Variants in HMGCLL1 observed in about 807,000 individuals in gnomAD.
The protein encoded by HMGCLL1 is 3-hydroxymethyl-3-methylglutaryl-CoA lyase, cytoplasmic.
HMGCLL1 carries 36 observed loss-of-function variants against 39.1 expected under a neutral mutation model. The ratio of observed to expected loss-of-function variants is 0.92; its 90% CI spans 0.71 to 1.22. The LOEUF is 1.22. Among genes scored for constraint, HMGCLL1 ranks in the 50% most tolerant of loss-of-function variants. HMGCLL1 has a pLI of 0.00. For missense variants in HMGCLL1, 451 were observed against 416.5 expected (o/e 1.08, Z -0.72); for synonymous variants, 149 against 144.0 (o/e 1.03, Z -0.25).
intron 3 of HMGCLL1, among the ~76,000 whole-genome samples, chr6:55,528,556 G>A (rs1329403844): frequency 3.3e-5 from 5 of 151,792 alleles, no homozygotes; most frequent in Non-Finnish European, 5.9e-5. Context: ...GGAGATCTTG[G>A]TCTGCTTGAA....
At chr6:55,481,864 G>A (rs1765767482) in intron 7 of HMGCLL1, among the ~76,000 whole-genome samples, 1 of 151,986 alleles carries the variant, frequency 6.6e-6, no homozygotes, top group Admixed American at 6.6e-5. Flanking sequence ...GGGTAAAGCA[G>A]TATTAATATT....
intron 2 of HMGCLL1, 45 bp from the exon 3 acceptor site, chr6:55,541,881 A>G: frequency 8.8e-7 from 1 of 1,141,632 alleles, no homozygotes; most frequent in Non-Finnish European, 1.3e-6. Flanking sequence ...TATAGGTCCT[A>G]TTTAAGCACA....
At chr6:55,628,111 TAATATATAAAATA>T in the HMGCLL1 span, among the ~76,000 whole-genome samples, 1 of 894 alleles carries the variant, frequency 1.1e-3, no homozygotes, top group African/African-American at 5.0e-3. Flanking sequence ...ATACTATATA[TAATATATAAAATA>T]AATATATATA....
chr6:55,649,548 C>T, the HMGCLL1 span, among the ~76,000 whole-genome samples: 1 of 151,746 alleles, frequency 6.6e-6, no homozygotes, highest in South Asian at 2.1e-4. Context: ...TTATTAAATG[C>T]CTTGAGGTAG....
At chr6:55,549,310 C>T (rs571656072) in intron 1 of HMGCLL1, among the ~76,000 whole-genome samples, 3 of 151,680 alleles carry the variant, frequency 2.0e-5, no homozygotes, top group African/African-American at 4.9e-5. Context: ...TCCCACCTTG[C>T]TGTCAGTCCC....
the HMGCLL1 span, among the ~76,000 whole-genome samples, chr6:55,655,822 T>C: frequency 6.6e-6 from 1 of 152,038 alleles, no homozygotes; most frequent in Non-Finnish European, 1.5e-5. Flanking sequence ...TGTGAGAACA[T>C]TTGAAATTTT....
the HMGCLL1 span, among the ~76,000 whole-genome samples, chr6:55,645,113 T>C: frequency 6.6e-6 from 1 of 151,964 alleles, no homozygotes; most frequent in Non-Finnish European, 1.5e-5. Context: ...AGAGAACTTT[T>C]ACTTCTTTTT....
chr6:55,650,096 T>TATATATATATACACACATATAC, the HMGCLL1 span, among the ~76,000 whole-genome samples: 1 of 16,996 alleles, frequency 5.9e-5, no homozygotes, highest in Admixed American at 7.7e-4. Context: ...TATACATATA[T>TATATATATATACACACATATAC]ATATATATAT....
At chr6:55,587,488 G>A in the HMGCLL1 span, among the ~76,000 whole-genome samples, 145 of 152,158 alleles carry the variant, frequency 9.5e-4, no homozygotes, top group Non-Finnish European at 1.8e-3. Context: ...GGAAGAAACC[G>A]CATCAACTAA....
chr6:55,480,476 AGGATGT>A (rs1433037370), intron 7 of HMGCLL1, among the ~76,000 whole-genome samples: 6 of 151,700 alleles, frequency 4.0e-5, no homozygotes, highest in Admixed American at 3.9e-4. Flanking sequence ...AATGCTGCTG[AGGATGT>A]GGAGAAAAAG....
the HMGCLL1 span, among the ~76,000 whole-genome samples, chr6:55,668,442 C>T: frequency 2.6e-5 from 4 of 151,968 alleles, no homozygotes; most frequent in African/African-American, 9.6e-5. Flanking sequence ...AAGTTAGGGG[C>T]TCTGGTTCTG....
chr6:55,487,916 G>C (rs192934530), intron 7 of HMGCLL1, among the ~76,000 whole-genome samples: 33 of 152,070 alleles, frequency 2.2e-4, no homozygotes, highest in African/African-American at 8.0e-4. Context: ...GACACTTTAA[G>C]TTTGTCTCTG....
the HMGCLL1 span, among the ~76,000 whole-genome samples, chr6:55,662,125 G>T: frequency 6.6e-6 from 1 of 151,744 alleles, no homozygotes; most frequent in African/African-American, 2.4e-5. Context: ...GAATCATGTT[G>T]TCTCCAAACA....
intron 7 of HMGCLL1, among the ~76,000 whole-genome samples, chr6:55,445,182 A>C (rs1763763607): frequency 6.6e-6 from 1 of 151,972 alleles, no homozygotes. Flanking sequence ...AATTTCCCCT[A>C]AATTCTCTAC....
chr6:55,614,542 T>C, the HMGCLL1 span, among the ~76,000 whole-genome samples: 1 of 152,292 alleles, frequency 6.6e-6, no homozygotes, highest in Non-Finnish European at 1.5e-5. Context: ...TTATATATTT[T>C]CATAGTATGA....
At chr6:55,607,220 A>T in the HMGCLL1 span, among the ~76,000 whole-genome samples, 1 of 152,204 alleles carries the variant, frequency 6.6e-6, no homozygotes. Context: ...TGTTAAAAAA[A>T]GTTTGAGAAA....
intron 5 of HMGCLL1, chr6:55,513,772 T>A (rs1767588752): frequency 2.2e-6 from 1 of 451,200 alleles, no homozygotes; most frequent in Non-Finnish European, 3.8e-6. Flanking sequence ...TGCATTTGGG[T>A]GCTAGAGTGT....
chr6:55,495,655 T>C (rs373554963), intron 6 of HMGCLL1, 48 bp from the exon 7 acceptor site: 21 of 1,414,176 alleles, frequency 1.5e-5, no homozygotes, highest in Admixed American at 1.4e-4. Context: ...ATGAAGAGAC[T>C]CAAACCCTCT....
At chr6:55,641,409 G>A in the HMGCLL1 span, among the ~76,000 whole-genome samples, 1 of 151,908 alleles carries the variant, frequency 6.6e-6, no homozygotes, top group Admixed American at 6.6e-5. Flanking sequence ...CATAGTAATA[G>A]GTATATTAAA....
Sources: allele counts gnomAD v4.1 joint callset (sites outside exome capture counted in the v4.1 genomes callset), GRCh38; gene constraint gnomAD v4.1.1; transcripts MANE v1.5; gene names NCBI Gene and HGNC (gene_info 2026-07-23, HGNC 2026-07-21).